Variants in PPIL4 observed in about 807,000 individuals in gnomAD.
PPIL4 encodes the protein peptidylprolyl isomerase like 4, also known as peptidyl-prolyl cis-trans isomerase-like 4.
PPIL4 carries 50 observed loss-of-function variants against 69.1 expected under a neutral mutation model. The observed-to-expected ratio is 0.72, with a 90% CI of 0.58 to 0.92. PPIL4 has a LOEUF of 0.92. Among genes scored for constraint, PPIL4 ranks in the 40% least tolerant of loss-of-function variants. The pLI, the probability that PPIL4 is intolerant of heterozygous loss-of-function variation, is 0.00. For missense variants in PPIL4, 480 were observed against 587.9 expected (o/e 0.82, Z 1.90); for synonymous variants, 193 against 191.6 (o/e 1.01, Z -0.06).
At position 149,512,201 on chromosome 6, in the gene PPIL4, T is replaced by C; in HGVS notation, c.1181A>G (p.Glu394Gly). 5 of 1,613,616 alleles carry C rather than the reference T, an allele frequency of 3.1e-6. No homozygotes were observed. Among genetic ancestry groups the C allele is most frequent in the Non-Finnish European group, 4.2e-6 (5 of 1,179,668 alleles). ...KHKKKTHHCS[E>G]EKEDEDYMPI... ...CATGTAGTCCTCATCTTCTTTCTCT[T>C]CAGAACAGTGATGGGTTTTCTTCTT... Residue 394 changes from glutamate to glycine, a missense_variant, in exon 12 of 13, where the codon GAA becomes GGA. Physicochemically the swap from Glu to Gly is moderately conservative, Grantham distance 98 (BLOSUM62 -2). Transcript: ENST00000253329.
chr6:149,518,354 G>C (rs2115030673), intron 10 of PPIL4, among the ~76,000 whole-genome samples: 2 of 152,262 alleles, frequency 1.3e-5, no homozygotes, highest in East Asian at 3.9e-4. Flanking sequence ...CCATGTCCCA[G>C]ACCTGTTGAC....
rs1038677559 is a variant in PPIL4 at position 149,541,567 on chromosome 6, T to A, written c.90A>T (p.Lys30Asn). ...AATTGTAATATTTTATTTTGCACAG[T>A]TTCAAGAAATTCAAGCAGGCTGAAA... ...ERPRACLNFL[K>N]LCKIKYYNYC... The change falls in exon 2 of 13, where the codon AAA (lysine) becomes AAT (asparagine). Residue 30 changes from lysine to asparagine, a missense_variant. Transcript: ENST00000253329. 24 of 1,577,098 alleles carry A rather than the reference T, an allele frequency of 1.5e-5. No individual in the cohort carries two copies. The highest frequency in any genetic ancestry group is 1.9e-5 in the Non-Finnish European group (22 of 1,148,320).
intron 1 of PPIL4, among the ~76,000 whole-genome samples, chr6:149,545,131 C>A (rs1777420390): frequency 6.6e-6 from 1 of 152,192 alleles, no homozygotes. Flanking sequence ...ACGACTCACA[C>A]CAGTCCTTCC....
At position 149,521,162 on chromosome 6, in the gene PPIL4, A is replaced by C; in HGVS notation, c.880T>G (p.Cys294Gly). ...TCCATTTTGAAGAATGCTTTCTCAC[A>C]ATCTTCTTCCTGATAATAATTATAA... Reference protein sequence around the residue: ...AFIEFEKEEDCEKAFFKMDNV... With the variant: ...AFIEFEKEEDGEKAFFKMDNV... The change falls in exon 10 of 13, where the codon TGT becomes GGT. Residue 294 changes from cysteine to glycine, a missense_variant. Coordinates refer to ENST00000253329, the MANE Select transcript of PPIL4 (RefSeq NM_139126.4). The C allele has an allele frequency of 6.5e-7, 1 of 1,539,426 alleles. No homozygotes were observed. Among genetic ancestry groups the C allele is most frequent in the South Asian group, 1.2e-5 (1 of 86,458 alleles).
At chr6:149,515,067 A>G (rs1431356738) in intron 11 of PPIL4, among the ~76,000 whole-genome samples, 1 of 150,808 alleles carries the variant, frequency 6.6e-6, no homozygotes, top group Non-Finnish European at 1.5e-5. Context: ...TGAACTCCCG[A>G]CCTCGGGTGA....
At chr6:149,530,191 T>C (rs1777174642) in intron 7 of PPIL4, among the ~76,000 whole-genome samples, 1 of 152,178 alleles carries the variant, frequency 6.6e-6, no homozygotes, top group Admixed American at 6.6e-5. Context: ...TGTTAACAAA[T>C]GTGTCACAAT....
chr6:149,506,695 C>A (rs1776776063), intron 12 of PPIL4, among the ~76,000 whole-genome samples: 1 of 152,130 alleles, frequency 6.6e-6, no homozygotes, highest in African/African-American at 2.4e-5. Flanking sequence ...CCAGGCTCAA[C>A]CGATCCTTCC....
At chr6:149,523,751 A>G (rs1777065527) in intron 9 of PPIL4, among the ~76,000 whole-genome samples, 1 of 152,162 alleles carries the variant, frequency 6.6e-6, no homozygotes, top group Non-Finnish European at 1.5e-5. Flanking sequence ...AACTCAAAAC[A>G]TGGGCAGTCA....
At chr6:149,507,856 T>C (rs557312592) in intron 12 of PPIL4, among the ~76,000 whole-genome samples, 5 of 152,158 alleles carry the variant, frequency 3.3e-5, no homozygotes, top group Non-Finnish European at 5.9e-5. Context: ...CTCTTAAGGT[T>C]AGAATAATTA....
At chr6:149,537,881 A>G (rs1321397872) in intron 4 of PPIL4, among the ~76,000 whole-genome samples, 1 of 152,190 alleles carries the variant, frequency 6.6e-6, no homozygotes, top group Non-Finnish European at 1.5e-5. Context: ...TCTTTTAATA[A>G]GAAATCCTTT....
At chr6:149,542,349 A>C (rs1475245912) in intron 1 of PPIL4, among the ~76,000 whole-genome samples, 1 of 152,204 alleles carries the variant, frequency 6.6e-6, no homozygotes, top group African/African-American at 2.4e-5. Flanking sequence ...AACCTTTCTC[A>C]TACAAGTTAA....
intron 12 of PPIL4, among the ~76,000 whole-genome samples, chr6:149,508,329 A>G (rs1037548875): frequency 1.3e-5 from 2 of 152,234 alleles, no homozygotes; most frequent in Admixed American, 6.5e-5. Context: ...TAAATGAATT[A>G]GATAAGGTCT....
In PPIL4 at chr6:149,535,752, C is replaced by T. The variant is rs749467128; in HGVS notation, c.322-14G>A. ...GGTGATAAGAAACTATAAAGAAGGACACATAATAAATACCATAAAAATAAT... is the reference window on the plus strand; with the variant it reads ...GGTGATAAGAAACTATAAAGAAGGATACATAATAAATACCATAAAAATAAT... On this transcript the variant is annotated splice_polypyrimidine_tract_variant and intron_variant, in intron 4 of 12. Coordinates refer to ENST00000253329, the MANE Select transcript of PPIL4 (RefSeq NM_139126.4). 4.5e-6 allele frequency: 7 copies of T among 1,558,642 alleles called. No individual in the cohort carries two copies. The South Asian group carries it at 8.2e-5, about 18-fold the overall frequency.
At chr6:149,542,448 A>C (rs951593610) in intron 1 of PPIL4, among the ~76,000 whole-genome samples, 2 of 152,192 alleles carry the variant, frequency 1.3e-5, no homozygotes, top group Non-Finnish European at 2.9e-5. Flanking sequence ...CCCTGCTCCC[A>C]AAAAGTTCAC....
intron 7 of PPIL4, among the ~76,000 whole-genome samples, chr6:149,530,296 G>A (rs1777176390): frequency 6.6e-6 from 1 of 152,076 alleles, no homozygotes; most frequent in Non-Finnish European, 1.5e-5. Context: ...TCTACAAATT[G>A]TCTATTAAAA....
intron 4 of PPIL4, among the ~76,000 whole-genome samples, chr6:149,539,095 C>G (rs1045624534): frequency 6.6e-6 from 1 of 152,168 alleles, no homozygotes; most frequent in South Asian, 2.1e-4. Context: ...GATCCGCCCC[C>G]CTCAGCCTCC....
chr6:149,535,351 G>A (rs144445160), intron 5 of PPIL4, among the ~76,000 whole-genome samples: 255 of 152,134 alleles, frequency 1.7e-3, no homozygotes, highest in African/African-American at 4.3e-3. Context: ...ATGAGACTCC[G>A]TCTCAAAAAA....
chr6:149,517,463 A>G lies in PPIL4; in HGVS notation c.983-13T>C, dbSNP rs1776965257. On this transcript the variant is annotated splice_polypyrimidine_tract_variant and intron_variant, in intron 10 of 12. Coordinates refer to ENST00000253329, the MANE Select transcript of PPIL4 (RefSeq NM_139126.4). ...GTGTATTTCCCACCTATTTATTAAG[A>G]AAAGAAAAAAAGAGCTTAGTAAAAA... 1 of 1,347,468 alleles carries G rather than the reference A, an allele frequency of 7.4e-7. No individual in the cohort carries two copies. Among genetic ancestry groups the G allele is most frequent in the Non-Finnish European group, 1.0e-6 (1 of 977,760 alleles). The allele number at this position is 1,347,468 out of a possible 1,614,324, so 83.5% of individuals were successfully genotyped here.
At chr6:149,532,456 T>C (rs1171662687) in intron 7 of PPIL4, among the ~76,000 whole-genome samples, 5 of 152,216 alleles carry the variant, frequency 3.3e-5, no homozygotes, top group Non-Finnish European at 7.4e-5. Flanking sequence ...TCTTAGAATT[T>C]GTCTTGGTGT....
Sources: gnomAD v4.1 joint callset for allele counts (sites outside exome capture counted in the v4.1 genomes callset) on GRCh38, gnomAD v4.1.1 for gene constraint, MANE v1.5 for transcripts, NCBI Gene and HGNC (gene_info 2026-07-23, HGNC 2026-07-21) for gene names.